Variants in ELAVL2 observed in about 807,000 individuals in gnomAD.
The protein encoded by ELAVL2 is ELAV-like protein 2.
Under a neutral mutation model 34.6 loss-of-function variants are expected in ELAVL2, and 4 were observed. That is an observed-to-expected ratio of 0.12 (90% CI 0.06 to 0.26). ELAVL2 has a LOEUF of 0.26. Ranked by LOEUF, ELAVL2 falls within the 10% of genes least tolerant of loss-of-function variation. The probability of loss-of-function intolerance (pLI) is 1.00; values close to 1 mark genes in which losing one functional copy is unlikely to be tolerated. For synonymous variants in ELAVL2, 193 were observed against 154.8 expected (o/e 1.25, Z -1.83); for missense variants, 432 against 442.8 (o/e 0.98, Z 0.22).
chr9:23,846,650 G>T, the ELAVL2 span, among the ~76,000 whole-genome samples: 1 of 151,856 alleles, frequency 6.6e-6, no homozygotes, highest in Non-Finnish European at 1.5e-5. Context: ...ACAGAATTGA[G>T]AATATAATAA....
intron 2 of ELAVL2, among the ~76,000 whole-genome samples, chr9:23,760,730 A>G (rs1176725996): frequency 6.6e-6 from 1 of 152,044 alleles, no homozygotes; most frequent in African/African-American, 2.4e-5. Context: ...AACATAATTA[A>G]AATATAATGG....
Position 23,692,560 on chromosome 9 carries a change from G to C in ELAVL2, c.1077C>G (p.Ala359=). The C allele has an allele frequency of 6.2e-7, 1 of 1,611,418 alleles. No homozygotes were observed. Among genetic ancestry groups the C allele is most frequent in the Non-Finnish European group, 8.5e-7 (1 of 1,177,970 alleles). ...ATGGACTGAGGACAAGAGCTCATTAGGCTTTGTGCGTTTTGTTTGTCTTAA... is the reference window on the plus strand; with the variant it reads ...ATGGACTGAGGACAAGAGCTCATTACGCTTTGTGCGTTTTGTTTGTCTTAA... ...VSFKTNKTHK[A] is the part of the protein sequence containing the mutation. Residue 359 remains alanine, a synonymous_variant, in exon 7 of 7, where the codon GCC becomes GCG. Transcript: ENST00000397312.
At chr9:23,824,153 T>C (rs574345183) in intron 1 of ELAVL2, among the ~76,000 whole-genome samples, 115 of 152,270 alleles carry the variant, frequency 7.6e-4, no homozygotes, top group African/African-American at 2.7e-3. Flanking sequence ...CAGCCGGTAA[T>C]TACGAGAAAA....
intron 3 of ELAVL2, among the ~76,000 whole-genome samples, chr9:23,707,087 T>A (rs566971764): frequency 2.6e-5 from 4 of 152,188 alleles, no homozygotes; most frequent in African/African-American, 9.7e-5. Flanking sequence ...AAAACATACA[T>A]AACTATTCAT....
intron 1 of ELAVL2, among the ~76,000 whole-genome samples, chr9:23,813,082 C>T (rs1480843296): frequency 6.6e-6 from 1 of 152,208 alleles, no homozygotes; most frequent in Non-Finnish European, 1.5e-5. Flanking sequence ...TAGCATTCAA[C>T]TATATTCATC....
intron 3 of ELAVL2, among the ~76,000 whole-genome samples, chr9:23,730,083 T>C (rs1195086341): frequency 6.6e-6 from 1 of 152,110 alleles, no homozygotes; most frequent in African/African-American, 2.4e-5. Context: ...GAGCCACATC[T>C]AGACTCTGTG....
At chr9:23,773,937 C>T (rs951023546) in intron 1 of ELAVL2, among the ~76,000 whole-genome samples, 1 of 151,868 alleles carries the variant, frequency 6.6e-6, no homozygotes, top group African/African-American at 2.4e-5. Flanking sequence ...CTGGGCCTGG[C>T]GCAGTGGCTC....
At chr9:23,713,370 T>G (rs1054555271) in intron 3 of ELAVL2, among the ~76,000 whole-genome samples, 2 of 152,206 alleles carry the variant, frequency 1.3e-5, no homozygotes, top group African/African-American at 2.4e-5. Flanking sequence ...TGAAATCAAA[T>G]TCACTATGGT....
At chr9:23,820,974 G>A (rs922938461) in intron 1 of ELAVL2, among the ~76,000 whole-genome samples, 7 of 152,184 alleles carry the variant, frequency 4.6e-5, no homozygotes, top group Non-Finnish European at 1.0e-4. Flanking sequence ...CCTGCCCTGG[G>A]CGCCCGCGGC....
chr9:23,815,351 T>C (rs7863468), intron 1 of ELAVL2, among the ~76,000 whole-genome samples: 5 of 152,204 alleles, frequency 3.3e-5, no homozygotes, highest in African/African-American at 1.2e-4. Context: ...TCATCATAGG[T>C]ATAAATATGT....
the ELAVL2 span, among the ~76,000 whole-genome samples, chr9:23,847,951 T>C: frequency 6.6e-6 from 1 of 152,062 alleles, no homozygotes; most frequent in Admixed American, 6.5e-5. Context: ...GTAAATCTGA[T>C]GGCTTCTTTG....
chr9:23,700,752 G>A (rs1189711853), intron 5 of ELAVL2, among the ~76,000 whole-genome samples: 2 of 152,144 alleles, frequency 1.3e-5, no homozygotes, highest in Non-Finnish European at 2.9e-5. Context: ...AAAAGGAAGA[G>A]AGGAACTCAT....
At chr9:23,760,586 T>C (rs916723082) in intron 2 of ELAVL2, among the ~76,000 whole-genome samples, 1 of 152,014 alleles carries the variant, frequency 6.6e-6, no homozygotes, top group African/African-American at 2.4e-5. Context: ...TTTCAACTTA[T>C]TAAAAACACT....
At chr9:23,741,804 A>AT in intron 2 of ELAVL2, among the ~76,000 whole-genome samples, 1 of 152,182 alleles carries the variant, frequency 6.6e-6, no homozygotes, top group African/African-American at 2.4e-5. Flanking sequence ...CCTACGGTAA[A>AT]TTTTTAAATT....
At chr9:23,822,919 G>C (rs1186071129) in intron 1 of ELAVL2, among the ~76,000 whole-genome samples, 2 of 152,230 alleles carry the variant, frequency 1.3e-5, no homozygotes, top group Non-Finnish European at 2.9e-5. Context: ...CCATGCGACG[G>C]GCGGAGCGGG....
chr9:23,793,626 T>C (rs1298304302), intron 1 of ELAVL2, among the ~76,000 whole-genome samples: 8 of 152,196 alleles, frequency 5.3e-5, no homozygotes, highest in Non-Finnish European at 1.2e-4. Context: ...CAACACTCTC[T>C]TTATGAGAGC....
At chr9:23,729,772 T>C (rs1208885984) in intron 3 of ELAVL2, among the ~76,000 whole-genome samples, 1 of 152,064 alleles carries the variant, frequency 6.6e-6, no homozygotes, top group African/African-American at 2.4e-5. Context: ...CCAATAAATA[T>C]AAAGACTGAT....
intron 1 of ELAVL2, among the ~76,000 whole-genome samples, chr9:23,763,281 G>C (rs532148622): frequency 3.3e-5 from 5 of 152,168 alleles, no homozygotes; most frequent in African/African-American, 7.2e-5. Context: ...CACTTATTAA[G>C]CAGTATTAAA....
At chr9:23,807,217 G>A (rs2062353462) in intron 1 of ELAVL2, among the ~76,000 whole-genome samples, 1 of 152,152 alleles carries the variant, frequency 6.6e-6, no homozygotes, top group South Asian at 2.1e-4. Flanking sequence ...AAGGTGGTCA[G>A]AAAGACACTA....
Sources: gnomAD v4.1 joint callset for allele counts (sites outside exome capture counted in the v4.1 genomes callset) on GRCh38, gnomAD v4.1.1 for gene constraint, MANE v1.5 for transcripts, NCBI Gene and HGNC (gene_info 2026-07-23, HGNC 2026-07-21) for gene names.